Variants in MAPK10 observed in about 807,000 individuals in gnomAD.
MAPK10 encodes the protein JNK3 alpha protein kinase.
A neutral mutation model predicts 59.3 loss-of-function variants in MAPK10; 25 were observed. The observed-to-expected ratio is 0.42, with a 90% CI of 0.31 to 0.59. MAPK10 has a LOEUF of 0.59. Ranked by LOEUF, MAPK10 falls within the 20% of genes least tolerant of loss-of-function variation. MAPK10 has a pLI of 0.15. For synonymous variants in MAPK10, 190 were observed against 200.5 expected (o/e 0.95, Z 0.44); for missense variants, 351 against 568.9 (o/e 0.62, Z 3.90).
chr4:86,264,798 A>G (rs980471779), intron 2 of MAPK10, among the ~76,000 whole-genome samples: 1 of 150,786 alleles, frequency 6.6e-6, no homozygotes, highest in South Asian at 2.1e-4. Flanking sequence ...CTAACCTTGC[A>G]CCCATCTCTT....
chr4:86,548,320 A>G (rs1326246412), intron 1 of MAPK10, among the ~76,000 whole-genome samples: 1 of 152,112 alleles, frequency 6.6e-6, no homozygotes, highest in Non-Finnish European at 1.5e-5. Context: ...CTCCAAACAC[A>G]TCCGAACATC....
chr4:86,542,487 C>T (rs1758788232), intron 1 of MAPK10: 2 of 153,500 alleles, frequency 1.3e-5, no homozygotes, highest in African/African-American at 2.4e-5. Flanking sequence ...GGACAGGGAT[C>T]ACTTAAGGCC....
At chr4:86,188,541 T>C (rs1488419044) in intron 3 of MAPK10, among the ~76,000 whole-genome samples, 3 of 152,236 alleles carry the variant, frequency 2.0e-5, no homozygotes, top group African/African-American at 4.8e-5. Context: ...TGCATAAATG[T>C]CTTCTTTTGA....
chr4:86,453,312 C>G (rs1750938891), upstream of MAPK10: 1 of 152,472 alleles, frequency 6.6e-6, no homozygotes, highest in African/African-American at 2.4e-5. Context: ...AGAAGGAGAG[C>G]CCTGTTTATT....
At chr4:86,074,554 G>C (rs1385925795) in intron 9 of MAPK10, among the ~76,000 whole-genome samples, 1 of 128,266 alleles carries the variant, frequency 7.8e-6, no homozygotes, top group Non-Finnish European at 1.7e-5. Flanking sequence ...TCCATGTTTA[G>C]CGCTTCCTTC....
chr4:86,123,052 C>T (rs985426654), intron 4 of MAPK10, among the ~76,000 whole-genome samples: 2 of 152,028 alleles, frequency 1.3e-5, no homozygotes, highest in African/African-American at 4.8e-5. Flanking sequence ...CAAGTTTATT[C>T]TGGTGCAAAA....
intron 1 of MAPK10, among the ~76,000 whole-genome samples, chr4:86,545,689 A>T (rs1038794119): frequency 1.3e-5 from 2 of 152,218 alleles, no homozygotes; most frequent in African/African-American, 4.8e-5. Context: ...AATGGACAGG[A>T]AGGAGAAGAG....
chr4:86,260,669 T>G (rs965035105), intron 2 of MAPK10, among the ~76,000 whole-genome samples: 2 of 152,148 alleles, frequency 1.3e-5, no homozygotes, highest in African/African-American at 4.8e-5. Flanking sequence ...TCTTCATATA[T>G]CTTTCTTAAA....
chr4:86,196,633 C>G (rs987897504), intron 2 of MAPK10, among the ~76,000 whole-genome samples: 5 of 152,012 alleles, frequency 3.3e-5, no homozygotes, highest in African/African-American at 1.2e-4. Flanking sequence ...AAGTCTTTGC[C>G]CATGCCTATG....
chr4:86,374,756 T>G (rs1473843789), intron 1 of MAPK10, among the ~76,000 whole-genome samples: 1 of 152,154 alleles, frequency 6.6e-6, no homozygotes, highest in East Asian at 1.9e-4. Context: ...AGAGACAAAT[T>G]CTGAGTTTCT....
chr4:86,408,078 G>A (rs960624125), intron 1 of MAPK10, among the ~76,000 whole-genome samples: 4 of 9,878 alleles, frequency 4.0e-4, no homozygotes, highest in Non-Finnish European at 7.5e-4. Context: ...ACAAGCCCCC[G>A]TGTGATGTTC....
intron 1 of MAPK10, among the ~76,000 whole-genome samples, chr4:86,487,530 C>A (rs1271307621): frequency 2.0e-5 from 3 of 151,948 alleles, no homozygotes; most frequent in Non-Finnish European, 2.9e-5. Context: ...GAGATCAAGA[C>A]CATCCTGGCT....
intron 1 of MAPK10, among the ~76,000 whole-genome samples, chr4:86,479,340 GC>G (rs1288600405): frequency 3.3e-5 from 5 of 151,932 alleles, no homozygotes; most frequent in African/African-American, 1.2e-4. Context: ...TTTACCACTT[GC>G]CCTTCTCAGA....
At chr4:86,247,517 T>C (rs1278518740) in intron 2 of MAPK10, among the ~76,000 whole-genome samples, 1 of 152,180 alleles carries the variant, frequency 6.6e-6, no homozygotes, top group African/African-American at 2.4e-5. Flanking sequence ...CGTTAGGCCA[T>C]GATTTAGTCA....
At chr4:86,099,218 T>C (rs969708839) in intron 8 of MAPK10, 1 of 152,364 alleles carries the variant, frequency 6.6e-6, no homozygotes, top group African/African-American at 2.4e-5. Context: ...ACATCAGTTT[T>C]AGTTTCCATT....
chr4:86,521,675 T>C lies in MAPK10; in HGVS notation c.-263+72235A>G, dbSNP rs146303037. Reference sequence around the variant, plus strand: ...CCCCCAACCACACTGAGTTTATATATAGGCAGCTGGTGGGCAGGGCTGAGA... The same window carrying C: ...CCCCCAACCACACTGAGTTTATATACAGGCAGCTGGTGGGCAGGGCTGAGA... On this transcript the variant is annotated intron_variant, in intron 1 of 4. Transcript: ENST00000502302. Among the ~76,000 whole-genome samples the C allele has an allele frequency of 1.7e-3, 253 of 152,162 alleles. 1 individual carries two copies. The highest frequency in any genetic ancestry group is 3.4e-3 in the Middle Eastern group (1 of 294).
intron 2 of MAPK10, among the ~76,000 whole-genome samples, chr4:86,304,537 C>T (rs35517015): frequency 0.25 from 37,221 of 150,460 alleles, 4,792 homozygotes; most frequent in South Asian, 0.42. Flanking sequence ...GGACTACAGG[C>T]GCCCGCCACC....
At chr4:86,501,430 C>T (rs1755315551) in intron 1 of MAPK10, among the ~76,000 whole-genome samples, 1 of 151,918 alleles carries the variant, frequency 6.6e-6, no homozygotes, top group Non-Finnish European at 1.5e-5. Flanking sequence ...ACTAAAATAT[C>T]ATTTTATTGT....
intron 1 of MAPK10, among the ~76,000 whole-genome samples, chr4:86,499,215 T>A (rs920377153): frequency 3.3e-5 from 5 of 152,126 alleles, no homozygotes; most frequent in African/African-American, 1.2e-4. Flanking sequence ...CACACACTCA[T>A]ATAGAGCACA....
Sources: allele counts gnomAD v4.1 joint callset (sites outside exome capture counted in the v4.1 genomes callset), GRCh38; gene constraint gnomAD v4.1.1; transcripts MANE v1.5; gene names NCBI Gene and HGNC (gene_info 2026-07-23, HGNC 2026-07-21).